Variants in CTNNA3 observed in about 807,000 individuals in gnomAD.
The protein encoded by CTNNA3 is catenin alpha 3.
In CTNNA3, 76 loss-of-function variants were observed where a neutral mutation model predicts 95.7. That is an observed-to-expected ratio of 0.79 (90% CI 0.66 to 0.96). The LOEUF (loss-of-function observed/expected upper bound fraction) is 0.96, where lower values mean the gene tolerates loss of function less well. CTNNA3 is among the 40% of genes least tolerant of loss of function. The pLI, the probability that CTNNA3 is intolerant of heterozygous loss-of-function variation, is 0.00. For synonymous variants in CTNNA3, 431 were observed against 374.4 expected, an observed-to-expected ratio of 1.15 and a Z score of -1.74; for missense variants, 1,191 against 1,089.8, an observed-to-expected ratio of 1.09 and a Z score of -1.31.
At chr10:66,139,398 A>G (rs891491679) in intron 13 of CTNNA3, among the ~76,000 whole-genome samples, 4 of 152,158 alleles carry the variant, frequency 2.6e-5, no homozygotes, top group African/African-American at 9.7e-5. Flanking sequence ...TGTCATATGA[A>G]TGGCTTACAA....
At chr10:66,174,616 T>C (rs2085611079) in intron 13 of CTNNA3, among the ~76,000 whole-genome samples, 1 of 151,514 alleles carries the variant, frequency 6.6e-6, no homozygotes, top group African/African-American at 2.4e-5. Context: ...GGATCGAAAA[T>C]AGAGTATTTG....
chr10:66,518,423 T>G (rs1840939177), intron 11 of CTNNA3, among the ~76,000 whole-genome samples: 1 of 152,118 alleles, frequency 6.6e-6, no homozygotes, highest in Admixed American at 6.6e-5. Flanking sequence ...CCTTTGCCTT[T>G]TAACCAAAAG....
At chr10:67,726,432 CATATATAATATATAATATTATATATG>C (rs1841221041) in intron 1 of CTNNA3, among the ~76,000 whole-genome samples, 1 of 51,408 alleles carries the variant, frequency 1.9e-5, no homozygotes, top group South Asian at 7.1e-4. Flanking sequence ...TATATTATAT[CATATATAATATATAATATTATATATG>C]ATATATGATA....
At chr10:67,309,076 A>G (rs538697911) in intron 5 of CTNNA3, among the ~76,000 whole-genome samples, 7 of 152,098 alleles carry the variant, frequency 4.6e-5, no homozygotes, top group African/African-American at 1.7e-4. Context: ...GCACCATTAC[A>G]ATTATGACTC....
chr10:67,342,917 T>A (rs1333164773), intron 5 of CTNNA3, among the ~76,000 whole-genome samples: 1 of 152,138 alleles, frequency 6.6e-6, no homozygotes, highest in Non-Finnish European at 1.5e-5. Context: ...TTTTTTTGGA[T>A]GGCTTTGGCT....
intron 10 of CTNNA3, among the ~76,000 whole-genome samples, chr10:66,528,553 A>G (rs61036897): frequency 0.044 from 6,639 of 152,226 alleles, 193 homozygotes; most frequent in South Asian, 0.067. Context: ...TCACATTGTC[A>G]TTTATTCTAG....
intron 4 of CTNNA3, among the ~76,000 whole-genome samples, chr10:67,524,631 G>T (rs1467161276): frequency 2.6e-5 from 4 of 152,012 alleles, no homozygotes; most frequent in African/African-American, 9.7e-5. Context: ...TCAAAATACT[G>T]TAAAACCATG....
chr10:66,295,288 A>C (rs145062505), intron 12 of CTNNA3, among the ~76,000 whole-genome samples: 11 of 152,208 alleles, frequency 7.2e-5, no homozygotes, highest in African/African-American at 2.4e-4. Context: ...TAAGAGCAAT[A>C]TCTTACTGAA....
chr10:67,144,707 G>A (rs752873221), intron 7 of CTNNA3, among the ~76,000 whole-genome samples: 6 of 152,144 alleles, frequency 3.9e-5, no homozygotes, highest in Non-Finnish European at 8.8e-5. Context: ...TCTTTCTCTG[G>A]ATTAGGCTTT....
chr10:66,986,767 T>G (rs1347063709), intron 7 of CTNNA3, among the ~76,000 whole-genome samples: 1 of 152,162 alleles, frequency 6.6e-6, no homozygotes, highest in Non-Finnish European at 1.5e-5. Context: ...CTATCTGCAG[T>G]TAACATGGCA....
chr10:66,149,634 C>T (rs898312879), intron 13 of CTNNA3, among the ~76,000 whole-genome samples: 3 of 151,746 alleles, frequency 2.0e-5, no homozygotes, highest in Non-Finnish European at 2.9e-5. Context: ...AAATGATATT[C>T]TTATTGCACT....
intron 5 of CTNNA3, among the ~76,000 whole-genome samples, chr10:67,485,211 AC>A (rs1192734085): frequency 6.6e-6 from 1 of 152,206 alleles, no homozygotes; most frequent in Non-Finnish European, 1.5e-5. Context: ...GCAAGTTAAC[AC>A]AGAAACAGAA....
At chr10:66,966,334 T>C (rs530611310) in intron 7 of CTNNA3, among the ~76,000 whole-genome samples, 1 of 152,278 alleles carries the variant, frequency 6.6e-6, no homozygotes, top group East Asian at 1.9e-4. Flanking sequence ...GTACAGAATT[T>C]TAGCATCATC....
At chr10:67,345,901 T>G (rs1425918015) in intron 5 of CTNNA3, among the ~76,000 whole-genome samples, 2 of 152,148 alleles carry the variant, frequency 1.3e-5, no homozygotes, top group African/African-American at 4.8e-5. Flanking sequence ...TGGTCTTCTC[T>G]TCCTTCTTTC....
Position 67,631,749 on chromosome 10 carries a change from T to G in CTNNA3, c.99+15666A>C, listed in dbSNP as rs76654632. On this transcript the variant is annotated intron_variant, in intron 2 of 17. Transcript: ENST00000433211. ...GAACAACCATCTACAGATGAATGAA[T>G]AAAGAAAATGTGGTGTTTATGCAAT... Among the ~76,000 whole-genome samples, 168 of 152,090 alleles carry G rather than the reference T, an allele frequency of 1.1e-3. 1 individual carries two copies. Among genetic ancestry groups the G allele is most frequent in the African/African-American group, 4.0e-3 (164 of 41,470 alleles).
At chr10:66,502,494 T>A (rs541821328) in intron 11 of CTNNA3, among the ~76,000 whole-genome samples, 158 of 152,266 alleles carry the variant, frequency 1.0e-3, no homozygotes, top group African/African-American at 3.7e-3. Context: ...TAAAGCATTG[T>A]AGATAACACT....
intron 7 of CTNNA3, among the ~76,000 whole-genome samples, chr10:66,941,398 G>A (rs922446364): frequency 1.3e-5 from 2 of 152,160 alleles, no homozygotes; most frequent in African/African-American, 4.8e-5. Context: ...TTGCAACTAG[G>A]CACTGCCAGG....
intron 13 of CTNNA3, among the ~76,000 whole-genome samples, chr10:66,262,795 G>A (rs1034639950): frequency 4.6e-5 from 7 of 151,630 alleles, no homozygotes; most frequent in African/African-American, 1.7e-4. Context: ...CTTATAATAG[G>A]AATATTACTT....
At chr10:66,732,703 T>TC (rs1015204341) in intron 9 of CTNNA3, among the ~76,000 whole-genome samples, 3 of 152,008 alleles carry the variant, frequency 2.0e-5, no homozygotes, top group Non-Finnish European at 4.4e-5. Context: ...ACTGGGTCCC[T>TC]CCCATGACCC....
Sources: allele counts gnomAD v4.1 joint callset (sites outside exome capture counted in the v4.1 genomes callset), GRCh38; gene constraint gnomAD v4.1.1; transcripts MANE v1.5; gene names NCBI Gene and HGNC (gene_info 2026-07-23, HGNC 2026-07-21).